Variants in KMO observed in about 807,000 individuals in gnomAD.
KMO encodes the protein kynurenine 3-monooxygenase.
A neutral mutation model predicts 57.8 loss-of-function variants in KMO; 24 were observed. The ratio of observed to expected loss-of-function variants is 0.42; its 90% CI spans 0.30 to 0.58. The LOEUF (loss-of-function observed/expected upper bound fraction) is 0.58. KMO is among the 20% of genes least tolerant of loss of function. The probability of loss-of-function intolerance (pLI) is 0.22; values close to 1 mark genes in which losing one functional copy is unlikely to be tolerated. For synonymous variants in KMO, 210 were observed against 193.6 expected, an observed-to-expected ratio of 1.08 and a Z score of -0.70; for missense variants, 483 against 588.2, an observed-to-expected ratio of 0.82 and a Z score of 1.85.
intron 10 of KMO, among the ~76,000 whole-genome samples, chr1:241,573,782 T>C (rs919537337): frequency 2.0e-5 from 3 of 152,038 alleles, no homozygotes; most frequent in African/African-American, 7.2e-5. Context: ...ATTGTTTTTG[T>C]TTTTTTCTAA....
chr1:241,559,845 T>C (rs2147958735), intron 5 of KMO, among the ~76,000 whole-genome samples: 1 of 152,314 alleles, frequency 6.6e-6, no homozygotes, highest in Non-Finnish European at 1.5e-5. Flanking sequence ...TCAGGCATTT[T>C]ACCTTTACTT....
intron 1 of KMO, among the ~76,000 whole-genome samples, chr1:241,537,136 A>G (rs1415417491): frequency 1.3e-5 from 2 of 152,122 alleles, no homozygotes; most frequent in Non-Finnish European, 2.9e-5. Flanking sequence ...AGGAAATCTT[A>G]CCCTATGGGT....
intron 1 of KMO, among the ~76,000 whole-genome samples, chr1:241,535,935 T>C (rs1660736692): frequency 6.6e-6 from 1 of 152,202 alleles, no homozygotes; most frequent in African/African-American, 2.4e-5. Context: ...TTATTCCCCA[T>C]AGAAGCTTTT....
In KMO at chr1:241,595,153, A is replaced by AT. The variant is rs899640573; in HGVS notation, c.*3010dup. On this transcript the variant is annotated 3_prime_UTR_variant, in exon 15 of 15. Transcript: ENST00000366559. ...TAATGTCTCTTTAATTAGGTGAAGA[A>AT]TTTTTTTTTTCTATCGAAATTACTA... 17 of 152,160 alleles carry AT rather than the reference A, an allele frequency of 1.1e-4. No individual in the cohort carries two copies. The highest frequency in any genetic ancestry group is 4.1e-4 in the South Asian group (2 of 4,826). The allele number at this position is 152,160 out of a possible 1,614,324, so 9.4% of individuals were successfully genotyped here.
chr1:241,548,941 T>G, intron 2 of KMO, 43 bp downstream of exon 2: 194 of 1,333,598 alleles, frequency 1.5e-4, no homozygotes, highest in Non-Finnish European at 1.9e-4. Flanking sequence ...CTGGGCACGG[T>G]GGCTCCTGGC....
chr1:241,541,250 A>G (rs1660948233), intron 1 of KMO, among the ~76,000 whole-genome samples: 1 of 152,188 alleles, frequency 6.6e-6, no homozygotes, highest in South Asian at 2.1e-4. Flanking sequence ...AACAATCAAT[A>G]GGACGTATTG....
rs918423509 is a variant in KMO at position 241,581,350 on chromosome 1, C to T, written c.958-5329C>T. Among the ~76,000 whole-genome samples the T allele has an allele frequency of 3.3e-5, 5 of 152,220 alleles. No individual in the cohort carries two copies. The East Asian group carries it at 9.6e-4, about 29-fold the overall frequency. On this transcript the variant is annotated intron_variant, in intron 10 of 14. Coordinates refer to ENST00000366559, the MANE Select transcript of KMO (RefSeq NM_003679.5). Reference sequence around the variant, plus strand: ...CAGTATTACTAATGATAGGTATGGACTTACTGCTGCCATACAGTTACTTCT... The same window carrying T: ...CAGTATTACTAATGATAGGTATGGATTTACTGCTGCCATACAGTTACTTCT...
chr1:241,555,623 T>C lies in KMO; in HGVS notation c.324T>C (p.Ser108=). Residue 108 remains serine (S), a synonymous_variant, in exon 5 of 15, where the codon TCT becomes TCC. Transcript: ENST00000366559. ...TACTTTTCTTGCAGTATATTCTTTC[T>C]GTAAGCAGAGAAAATCTAAACAAGG... ...PYGTKSQYIL[S]VSRENLNKDL... The C allele has an allele frequency of 1.9e-6, 3 of 1,567,986 alleles. No homozygotes were observed. Among genetic ancestry groups the C allele is most frequent in the Non-Finnish European group, 2.6e-6 (3 of 1,139,516 alleles).
intron 10 of KMO, among the ~76,000 whole-genome samples, chr1:241,573,641 C>T (rs1020847864): frequency 3.9e-5 from 6 of 152,040 alleles, no homozygotes; most frequent in African/African-American, 9.7e-5. Flanking sequence ...TATCTGTCTA[C>T]TTGTATATCA....
At chr1:241,565,809 C>CT (rs963702163) in intron 8 of KMO, among the ~76,000 whole-genome samples, 9 of 152,098 alleles carry the variant, frequency 5.9e-5, no homozygotes, top group Non-Finnish European at 8.8e-5. Flanking sequence ...TGGTTGGGGT[C>CT]TTTTTTGTTT....
chr1:241,545,645 T>C (rs1372843141), intron 1 of KMO, among the ~76,000 whole-genome samples: 1 of 152,190 alleles, frequency 6.6e-6, no homozygotes, highest in African/African-American at 2.4e-5. Flanking sequence ...CTCCAAATAA[T>C]GTCACATTCT....
At chr1:241,565,643 G>A (rs1256744274) in intron 8 of KMO, among the ~76,000 whole-genome samples, 5 of 151,454 alleles carry the variant, frequency 3.3e-5, no homozygotes, top group Non-Finnish European at 5.9e-5. Context: ...AGGATTGCTT[G>A]AGCCCCGAAG....
At chr1:241,588,712 A>G (rs1236256474) in intron 11 of KMO, 36 bp from the exon 12 acceptor site, 1 of 1,477,868 alleles carries the variant, frequency 6.8e-7, no homozygotes, top group Non-Finnish European at 9.5e-7. Flanking sequence ...ACATTTTTAT[A>G]GAAGGTTTTG....
At chr1:241,533,560 G>A (rs1409404349) in intron 1 of KMO, among the ~76,000 whole-genome samples, 5 of 152,090 alleles carry the variant, frequency 3.3e-5, no homozygotes, top group Admixed American at 6.5e-5. Flanking sequence ...GACATGTGTC[G>A]TCACTGCTTC....
Position 241,594,585 on chromosome 1 carries a change from A to G in KMO, c.*2432A>G, listed in dbSNP as rs1037913305. The G allele has an allele frequency of 1.9e-6, 3 of 1,614,134 alleles. No individual in the cohort carries two copies. The Admixed American group carries it at 5.0e-5, about 27-fold the overall frequency. ...CCTGTCCCCATCTTTCTGTGACATC[A>G]CAATGGGTCTGATCTGCATTTCACT... is the stretch of plus-strand genomic sequence containing the variant. On this transcript the variant is annotated 3_prime_UTR_variant, in exon 15 of 15. Coordinates refer to ENST00000366559, the MANE Select transcript of KMO (RefSeq NM_003679.5).
intron 10 of KMO, among the ~76,000 whole-genome samples, chr1:241,582,384 C>A (rs1232871523): frequency 6.6e-6 from 1 of 152,114 alleles, no homozygotes; most frequent in African/African-American, 2.4e-5. Flanking sequence ...TATATATGTT[C>A]TCTTTAAGGC....
chr1:241,581,707 CTATA>C (rs1420130491), intron 10 of KMO, among the ~76,000 whole-genome samples: 5 of 152,032 alleles, frequency 3.3e-5, no homozygotes, highest in African/African-American at 9.7e-5. Flanking sequence ...TTTGTTGTCT[CTATA>C]TATATCTTTT....
At chr1:241,590,574 G>A (rs1447593705) in intron 14 of KMO, among the ~76,000 whole-genome samples, 1 of 152,144 alleles carries the variant, frequency 6.6e-6, no homozygotes, top group Non-Finnish European at 1.5e-5. Context: ...ATTCTTATGA[G>A]TTTAATTTGT....
intron 14 of KMO, among the ~76,000 whole-genome samples, chr1:241,590,933 T>C (rs1230230269): frequency 6.6e-6 from 1 of 152,074 alleles, no homozygotes; most frequent in African/African-American, 2.4e-5. Context: ...GAAACATATT[T>C]CAGTGGAGCT....
Sources: gnomAD v4.1 joint callset for allele counts (sites outside exome capture counted in the v4.1 genomes callset) on GRCh38, gnomAD v4.1.1 for gene constraint, MANE v1.5 for transcripts, NCBI Gene and HGNC (gene_info 2026-07-23, HGNC 2026-07-21) for gene names.